Variants in PIK3R6 observed in about 807,000 individuals in gnomAD.
The protein encoded by PIK3R6 is phosphoinositide 3-kinase regulatory subunit 6.
A neutral mutation model predicts 84.9 loss-of-function variants in PIK3R6; 91 were observed. That is an observed-to-expected ratio of 1.07 (90% CI 0.90 to 1.28). The LOEUF is 1.28. PIK3R6 is among the 50% of genes most tolerant of loss of function. The pLI, the probability that PIK3R6 is intolerant of heterozygous loss-of-function variation, is 0.00. For missense variants in PIK3R6, 996 were observed against 985.1 expected (o/e 1.01, Z -0.15); for synonymous variants, 416 against 411.4 (o/e 1.01, Z -0.13).
Position 8,839,512 on chromosome 17 carries a change from C to G in PIK3R6, c.97+102G>C. On this transcript the variant is annotated intron_variant, in intron 3 of 19. Coordinates refer to ENST00000619866, the MANE Select transcript of PIK3R6 (RefSeq NM_001010855.4). This position sits in a 1 kb window ranked among gnomAD's most constrained non-coding sequence, Gnocchi z 4.2. The stretch of plus-strand genomic sequence containing the variant: ...GGGTTTGGTGAGACGACCCTTGCCC[C>G]CTGAGCTCCAGGCCGGGGCTCTTTC... 1 of 917,876 alleles carries G rather than the reference C, an allele frequency of 1.1e-6. No individual in the cohort carries two copies. Among genetic ancestry groups the G allele is most frequent in the Non-Finnish European group, 1.6e-6 (1 of 610,852 alleles). 56.9% of individuals were successfully genotyped at this position (917,876 alleles called of 1,614,324 possible). A position where few individuals can be genotyped will look rare whatever the true frequency, so the allele number is the denominator to read the frequency against.
intron 9 of PIK3R6, among the ~76,000 whole-genome samples, chr17:8,832,414 G>A (rs112762518): frequency 0.25 from 30,501 of 123,258 alleles, 3,684 homozygotes; most frequent in Admixed American, 0.27. Context: ...ACGGAGTCTC[G>A]CTCTGTCGCC....
chr17:8,827,784 G>C (rs1464110559), intron 12 of PIK3R6, among the ~76,000 whole-genome samples: 1 of 137,230 alleles, frequency 7.3e-6, no homozygotes, highest in African/African-American at 3.2e-5. Context: ...GAGAGAGAGA[G>C]AGAGAGAGAG....
At chr17:8,812,602 A>G (rs1174231374) in intron 18 of PIK3R6, among the ~76,000 whole-genome samples, 4 of 152,228 alleles carry the variant, frequency 2.6e-5, no homozygotes, top group African/African-American at 9.6e-5. Flanking sequence ...ACCAAGAGGA[A>G]CCCTCAAAAC....
In PIK3R6 at chr17:8,854,149, CTTTAT is replaced by C. The variant is rs1384945824; in HGVS notation, c.-91-4269_-91-4265del. 2.0e-5 allele frequency among the ~76,000 whole-genome samples: 3 copies of C among 151,446 alleles called. No homozygotes were observed. The East Asian group carries it at 5.8e-4, about 29-fold the overall frequency. On this transcript the variant is annotated intron_variant, in intron 1 of 19. Transcript: ENST00000619866. ...GAATAATGCCTGAGAACTCACACTC[CTTTAT>C]TTTTATTTTTTTTTGAAACGGAGTC...
intron 13 of PIK3R6, 25 bp from the exon 14 acceptor site, chr17:8,823,522 T>A: frequency 6.7e-7 from 1 of 1,494,808 alleles, no homozygotes; most frequent in Non-Finnish European, 9.3e-7. Context: ...GGGAATGTCT[T>A]CACCAACTCC....
At chr17:8,837,993 A>G in intron 4 of PIK3R6, 122 bp from the exon 5 acceptor site, 1 of 789,688 alleles carries the variant, frequency 1.3e-6, no homozygotes, top group South Asian at 1.5e-5. Flanking sequence ...GGGAGAGCAA[A>G]GGGCCATTGT....
At chr17:8,830,986 A>C (rs1328199102) in intron 9 of PIK3R6, among the ~76,000 whole-genome samples, 1 of 152,070 alleles carries the variant, frequency 6.6e-6, no homozygotes, top group Non-Finnish European at 1.5e-5. Flanking sequence ...TACTAAAAAA[A>C]CACAAAAAAA....
At chr17:8,846,493 T>A (rs908093372) in intron 2 of PIK3R6, among the ~76,000 whole-genome samples, 5 of 152,186 alleles carry the variant, frequency 3.3e-5, no homozygotes, top group Non-Finnish European at 7.3e-5. Context: ...TCTAGTTCTG[T>A]GAAAAATGAC....
At chr17:8,820,219 A>G (rs891566383) in intron 17 of PIK3R6, among the ~76,000 whole-genome samples, 6 of 151,658 alleles carry the variant, frequency 4.0e-5, no homozygotes, top group African/African-American at 1.5e-4. Context: ...CTCCCTGCCA[A>G]CTAAAGAGGG....
intron 8 of PIK3R6, among the ~76,000 whole-genome samples, chr17:8,834,324 G>A (rs994456616): frequency 2.6e-5 from 4 of 152,008 alleles, no homozygotes; most frequent in African/African-American, 7.3e-5. Flanking sequence ...AAATGAGAGG[G>A]AAAGTTAGGA....
chr17:8,829,529 GACACACGCATGCACACAGAC>G, intron 10 of PIK3R6, among the ~76,000 whole-genome samples, 157 bp downstream of exon 10: 1 of 62,606 alleles, frequency 1.6e-5, no homozygotes, highest in East Asian at 4.5e-4. Flanking sequence ...CACACACACT[GACACACGCATGCACACAGAC>G]ACACACTCAT....
In PIK3R6 at chr17:8,803,934, C is replaced by T. The variant is rs2087120071; in HGVS notation, c.2108+107G>A. 1 of 966,588 alleles carries T rather than the reference C, an allele frequency of 1.0e-6. No individual in the cohort carries two copies. Among genetic ancestry groups the T allele is most frequent in the South Asian group, 1.5e-5 (1 of 67,732 alleles). 59.9% of individuals were successfully genotyped at this position (966,588 alleles called of 1,614,324 possible). On this transcript the variant is annotated intron_variant, in intron 19 of 19. Coordinates refer to ENST00000619866, the MANE Select transcript of PIK3R6 (RefSeq NM_001010855.4). The surrounding 1 kb of genome is among the most constrained non-coding windows in gnomAD (Gnocchi z 5.0). Reference sequence around the variant, plus strand: ...TTACCTGCCTGGCCACAGGATCTACCTCCGATGAGGTGCCTTGAGCTAGAG... The same window carrying T: ...TTACCTGCCTGGCCACAGGATCTACTTCCGATGAGGTGCCTTGAGCTAGAG...
At chr17:8,836,978 G>A (rs1376112875) in intron 5 of PIK3R6, 55 bp from the exon 6 acceptor site, 5 of 1,275,964 alleles carry the variant, frequency 3.9e-6, no homozygotes, top group African/African-American at 1.5e-5. Flanking sequence ...GTAAGAGGGA[G>A]GAGGGGGAGG....
At position 8,832,973 on chromosome 17, in the gene PIK3R6, C is replaced by G. The variant is rs1412594860; in HGVS notation, c.718G>C (p.Ala240Pro). ...VAALEQMASE[A>P]SPSREGHVER... The stretch of plus-strand genomic sequence containing the variant: ...ACGTGTCCCTCCCGGCTCGGGCTGG[C>G]CTCGCTGGCCATCTGCTCCAAGGCG... Residue 240 changes from alanine (A) to proline (P), a missense_variant, in exon 9 of 20, where the codon GCC becomes CCC. Ala to Pro is a conservative substitution (Grantham distance 27). Transcript: ENST00000619866. The G allele has an allele frequency of 4.3e-6, 7 of 1,612,156 alleles. No individual in the cohort carries two copies. The South Asian group carries it at 7.7e-5, about 18-fold the overall frequency.
intron 3 of PIK3R6, 79 bp from the exon 4 acceptor site, chr17:8,838,734 C>A: frequency 7.3e-7 from 1 of 1,364,282 alleles, no homozygotes; most frequent in Non-Finnish European, 1.0e-6. Context: ...GGACCCTGAG[C>A]CCTGGAGCCT....
intron 17 of PIK3R6, among the ~76,000 whole-genome samples, chr17:8,819,606 G>T (rs1053441886): frequency 1.3e-5 from 2 of 151,146 alleles, no homozygotes; most frequent in African/African-American, 4.9e-5. Flanking sequence ...AGTGGGTGAG[G>T]AGGGCATCAG....
chr17:8,805,594 G>A (rs2087180148), intron 18 of PIK3R6, among the ~76,000 whole-genome samples: 2 of 152,148 alleles, frequency 1.3e-5, no homozygotes, highest in South Asian at 2.1e-4. Flanking sequence ...CAGGGGAGAG[G>A]GGGCTTCTCC....
At position 8,833,932 on chromosome 17, in the gene PIK3R6, G is replaced by T. The variant is rs368000293; in HGVS notation, c.646-887C>A. Reference sequence around the variant, plus strand: ...GCTTGTAATCTCAGCACTTTGGAAGGCCGGGGTAGGTGGATCACGAGGTCA... The same window carrying T: ...GCTTGTAATCTCAGCACTTTGGAAGTCCGGGGTAGGTGGATCACGAGGTCA... On this transcript the variant is annotated intron_variant, in intron 8 of 19. Transcript: ENST00000619866. Among the ~76,000 whole-genome samples the T allele has an allele frequency of 1.9e-3, 286 of 151,936 alleles. 1 individual carries two copies. The highest frequency in any genetic ancestry group is 0.01 in the Middle Eastern group (3 of 294).
rs574894661 is a variant in PIK3R6, at chr17:8,803,177, C to T, written c.*96G>A. ...TGGCTCCTGGTCAAGGCCAAAGCTG[C>T]CGTGTGGAGCCGGGCCTTGCTCTGG... On this transcript the variant is annotated 3_prime_UTR_variant, in exon 20 of 20. Coordinates refer to ENST00000619866, the MANE Select transcript of PIK3R6 (RefSeq NM_001010855.4). The surrounding 1 kb of genome is among the most constrained non-coding windows in gnomAD (Gnocchi z 5.0). 1.8e-3 allele frequency: 2,646 copies of T among 1,508,892 alleles called. 8 individuals carry two copies. Among genetic ancestry groups the T allele is most frequent in the South Asian group, 7.8e-3 (644 of 82,562 alleles). 93.5% of individuals were successfully genotyped at this position (1,508,892 alleles called of 1,614,324 possible). A position where few individuals can be genotyped will look rare whatever the true frequency, so the allele number is the denominator to read the frequency against.
Sources: gnomAD v4.1 joint callset for allele counts (sites outside exome capture counted in the v4.1 genomes callset) on GRCh38, gnomAD v4.1.1 for gene constraint, Gnocchi (gnomAD v3.1) non-coding constraint, MANE v1.5 for transcripts, NCBI Gene and HGNC (gene_info 2026-07-23, HGNC 2026-07-21) for gene names.